The following SLC36A4 variants were observed in gnomAD, a reference collection of about 807,000 sequenced individuals.
The protein encoded by SLC36A4 is neutral amino acid uniporter 4.
In SLC36A4, 49 loss-of-function variants were observed where a neutral mutation model predicts 50.5. The ratio of observed to expected loss-of-function variants is 0.97; its 90% confidence interval spans 0.77 to 1.23. The LOEUF (loss-of-function observed/expected upper bound fraction) is 1.23, where lower values mean the gene tolerates loss of function less well. Among genes scored for constraint, SLC36A4 ranks in the 50% most tolerant of loss-of-function variants. SLC36A4 has a pLI of 0.00. For missense variants in SLC36A4, 611 were observed against 608.4 expected, an observed-to-expected ratio of 1.00 and a Z score of -0.05; for synonymous variants, 207 against 206.5, an observed-to-expected ratio of 1.00 and a Z score of -0.02.
intron 9 of SLC36A4, 76 bp downstream of exon 9, chr11:93,162,630 G>T: frequency 8.0e-7 from 1 of 1,246,694 alleles, no homozygotes. Context: ...ATAAATCCAA[G>T]AACACGACTT....
chr11:93,174,773 C>A (rs1861372681), intron 6 of SLC36A4, among the ~76,000 whole-genome samples: 1 of 145,800 alleles, frequency 6.9e-6, no homozygotes, highest in Admixed American at 7.1e-5. Context: ...TATATTGAAC[C>A]AGCCTTGCAT....
rs1861750401 is a variant in SLC36A4 at position 93,181,799 on chromosome 11, G to A, written c.360-13C>T. ...TGACTTTTTAAACCTGTAATTTAATGACATACATACAAAGGAAAAAAGAAA... is the reference window on the plus strand; with the variant it reads ...TGACTTTTTAAACCTGTAATTTAATAACATACATACAAAGGAAAAAAGAAA... On this transcript the variant is annotated splice_polypyrimidine_tract_variant and intron_variant, in intron 4 of 10. Coordinates refer to ENST00000326402, the MANE Select transcript of SLC36A4 (RefSeq NM_152313.4). The A allele has an allele frequency of 1.9e-6, 3 of 1,551,380 alleles. No homozygotes were observed. The highest frequency in any genetic ancestry group is 1.9e-5 in the Admixed American group (1 of 52,082).
intron 2 of SLC36A4, 102 bp downstream of exon 2, chr11:93,185,589 A>G: frequency 9.1e-7 from 1 of 1,093,578 alleles, no homozygotes; most frequent in Non-Finnish European, 1.3e-6. Flanking sequence ...TATGTCTTAT[A>G]TTTGTGTCTT....
intron 10 of SLC36A4, among the ~76,000 whole-genome samples, chr11:93,150,935 T>C (rs190463374): frequency 7.2e-5 from 11 of 152,166 alleles, no homozygotes; most frequent in African/African-American, 2.4e-4. Context: ...AAGCTGTCAC[T>C]AGTAAATCAA....
At chr11:93,158,955 C>A (rs964571069) in intron 9 of SLC36A4, among the ~76,000 whole-genome samples, 2 of 152,078 alleles carry the variant, frequency 1.3e-5, no homozygotes, top group Non-Finnish European at 2.9e-5. Context: ...TAAAACTCCT[C>A]GCTGCCAAAG....
At chr11:93,148,927 G>A in intron 10 of SLC36A4, 83 bp from the exon 11 acceptor site, 2 of 1,199,948 alleles carry the variant, frequency 1.7e-6, no homozygotes, top group African/African-American at 3.1e-5. Flanking sequence ...TTTCAATACT[G>A]AAAGTAATTA....
intron 9 of SLC36A4, among the ~76,000 whole-genome samples, chr11:93,157,379 A>G (rs897648362): frequency 6.6e-6 from 1 of 152,218 alleles, no homozygotes; most frequent in Non-Finnish European, 1.5e-5. Context: ...AGTTCTGTGA[A>G]GAATGTCAAT....
intron 10 of SLC36A4, chr11:93,152,210 C>A (rs1369555557): frequency 6.6e-6 from 1 of 152,066 alleles, no homozygotes; most frequent in African/African-American, 2.4e-5. Flanking sequence ...TCAGGCTGAG[C>A]CTCCACTCTC....
chr11:93,192,055 C>G (rs981538307), intron 1 of SLC36A4, among the ~76,000 whole-genome samples: 3 of 152,050 alleles, frequency 2.0e-5, no homozygotes, highest in African/African-American at 7.2e-5. Context: ...AAAAAAAATC[C>G]TGCCTTCATG....
In SLC36A4 at chr11:93,188,442, C is replaced by T. The variant is rs140632300; in HGVS notation, c.56-2628G>A. ...TGTAGAGTAAAATTCACAGAATTAT[C>T]AGTTCCAAATTCCTGAAGTCAAAAC... On this transcript the variant is annotated intron_variant, in intron 1 of 10. Transcript: ENST00000326402. Among the ~76,000 whole-genome samples the T allele has an allele frequency of 2.6e-3, 395 of 152,260 alleles. 6 individuals are homozygous for T. The highest frequency in any genetic ancestry group is 8.9e-3 in the African/African-American group (370 of 41,562).
chr11:93,166,338 A>C, intron 7 of SLC36A4: 1 of 1,045,028 alleles, frequency 9.6e-7, no homozygotes, highest in Non-Finnish European at 1.2e-6. Context: ...ACATAAGCAC[A>C]CTCAAGGCCT....
At chr11:93,191,545 G>A (rs1210822564) in intron 1 of SLC36A4, among the ~76,000 whole-genome samples, 1 of 152,124 alleles carries the variant, frequency 6.6e-6, no homozygotes, top group African/African-American at 2.4e-5. Context: ...CCTCCCCTTG[G>A]TTATTTCACA....
intron 6 of SLC36A4, among the ~76,000 whole-genome samples, chr11:93,178,037 G>A (rs932362183): frequency 8.5e-5 from 13 of 152,100 alleles, no homozygotes; most frequent in Middle Eastern, 3.2e-3. Flanking sequence ...CGAGCTTCCC[G>A]GCCACTTTGT....
chr11:93,185,698 C>A lies in SLC36A4; in HGVS notation c.172G>T (p.Gly58Cys). The change falls in exon 2 of 11, where the codon GGC (glycine) becomes TGC (cysteine). Residue 58 changes from glycine (G) to cysteine (C), a missense_variant. Physicochemically the swap from Gly to Cys is radical, Grantham distance 159. Transcript: ENST00000326402. ...QKHYQLDDQE[G>C]ISFVQTLMHL... ...ATAAACCATAACACTTACGAAATGC[C>A]CTCTTGATCATCAAGTTGGTAATGC... 1 of 1,586,372 alleles carries A rather than the reference C, an allele frequency of 6.3e-7. No individual in the cohort carries two copies. The highest frequency in any genetic ancestry group is 8.5e-7 in the Non-Finnish European group (1 of 1,171,780).
intron 2 of SLC36A4, 61 bp downstream of exon 2, chr11:93,185,630 G>T (rs1861949643): frequency 1.4e-6 from 2 of 1,434,056 alleles, no homozygotes; most frequent in South Asian, 2.9e-5. Context: ...GCCTGTAGAA[G>T]AAGATTACAA....
At position 93,197,848 on chromosome 11, in the gene SLC36A4, A is replaced by T; in HGVS notation, c.-16T>A. On this transcript the variant is annotated 5_prime_UTR_variant, in exon 1 of 11. Coordinates refer to ENST00000326402, the MANE Select transcript of SLC36A4 (RefSeq NM_152313.4). Reference sequence around the variant, plus strand: ...CCGCTTCCATCTCTCGCGGGTCTCCAGGACGCCGCCGCCCGAGTGCTCACT... The same window carrying T: ...CCGCTTCCATCTCTCGCGGGTCTCCTGGACGCCGCCGCCCGAGTGCTCACT... The T allele has an allele frequency of 1.3e-6, 2 of 1,550,556 alleles. No homozygotes were observed. The highest frequency in any genetic ancestry group is 1.7e-6 in the Non-Finnish European group (2 of 1,156,238).
intron 1 of SLC36A4, among the ~76,000 whole-genome samples, chr11:93,191,958 T>C (rs1017939224): frequency 6.6e-6 from 1 of 152,190 alleles, no homozygotes; most frequent in African/African-American, 2.4e-5. Context: ...TAGGTTACAA[T>C]GGTTTCCTAT....
At chr11:93,171,043 G>T (rs1861110104) in intron 6 of SLC36A4, 1 of 151,782 alleles carries the variant, frequency 6.6e-6, no homozygotes, top group Non-Finnish European at 1.5e-5. Context: ...AAATGTAAAA[G>T]AACACCTCTG....
chr11:93,174,029 A>T (rs1861326921), intron 6 of SLC36A4, among the ~76,000 whole-genome samples: 1 of 150,344 alleles, frequency 6.7e-6, no homozygotes, highest in South Asian at 2.1e-4. Context: ...TCTGTAAATT[A>T]CCTTGGGCAG....
Sources: gnomAD v4.1 joint callset for allele counts (sites outside exome capture counted in the v4.1 genomes callset) on GRCh38, gnomAD v4.1.1 for gene constraint, MANE v1.5 for transcripts, NCBI Gene and HGNC (gene_info 2026-07-23, HGNC 2026-07-21) for gene names.